Variants in RABGAP1L observed in about 807,000 individuals in gnomAD.
RABGAP1L encodes the protein rab GTPase-activating protein 1-like.
In RABGAP1L, 63 loss-of-function variants were observed where a neutral mutation model predicts 137.7. That is an observed-to-expected ratio of 0.46 (90% CI 0.37 to 0.56). The LOEUF (loss-of-function observed/expected upper bound fraction) is 0.56. RABGAP1L is among the 20% of genes least tolerant of loss of function. RABGAP1L has a pLI of 0.00. For synonymous variants in RABGAP1L, 431 were observed against 433.7 expected, an observed-to-expected ratio of 0.99 and a Z score of 0.08; for missense variants, 1,095 against 1,244.0, an observed-to-expected ratio of 0.88 and a Z score of 1.80.
chr1:174,595,508 G>T (rs1157485145), intron 13 of RABGAP1L, among the ~76,000 whole-genome samples: 5 of 72,728 alleles, frequency 6.9e-5, no homozygotes, highest in African/African-American at 3.3e-4. Flanking sequence ...GGTCTTTGAT[G>T]ATGGTGATGT....
chr1:174,614,621 G>A (rs1406520515), intron 13 of RABGAP1L, among the ~76,000 whole-genome samples: 4 of 152,074 alleles, frequency 2.6e-5, no homozygotes, highest in African/African-American at 7.2e-5. Context: ...CTGAATGTTG[G>A]CCTGCCTTGC....
At chr1:174,808,083 A>T (rs912041928) in intron 18 of RABGAP1L, among the ~76,000 whole-genome samples, 3 of 149,430 alleles carry the variant, frequency 2.0e-5, no homozygotes, top group Non-Finnish European at 4.4e-5. Context: ...TCCTGGGTTC[A>T]TGCCATTCTC....
intron 12 of RABGAP1L, among the ~76,000 whole-genome samples, chr1:174,391,072 GGA>G (rs1687176178): frequency 6.6e-6 from 1 of 152,142 alleles, no homozygotes; most frequent in African/African-American, 2.4e-5. Context: ...TGAAGCCAAG[GGA>G]AACAGATTGG....
chr1:174,316,681 T>C (rs1422924992), intron 11 of RABGAP1L, among the ~76,000 whole-genome samples: 1 of 152,226 alleles, frequency 6.6e-6, no homozygotes, highest in African/African-American at 2.4e-5. Context: ...ACTCAGGCTC[T>C]GGAGCTGTAC....
intron 11 of RABGAP1L, among the ~76,000 whole-genome samples, chr1:174,312,730 T>C (rs1176783142): frequency 6.6e-6 from 1 of 152,178 alleles, no homozygotes; most frequent in Admixed American, 6.5e-5. Context: ...TTTTATAGTT[T>C]GAGGTCTTAT....
chr1:174,801,756 G>A (rs114584616), intron 18 of RABGAP1L, among the ~76,000 whole-genome samples: 1,665 of 148,388 alleles, frequency 0.011, 17 homozygotes, highest in Middle Eastern at 0.035. Flanking sequence ...AAGGATTCAT[G>A]ATTCTATTTA....
intron 13 of RABGAP1L, among the ~76,000 whole-genome samples, chr1:174,589,641 C>G (rs1020690983): frequency 6.6e-6 from 1 of 152,000 alleles, no homozygotes; most frequent in African/African-American, 2.4e-5. Context: ...TTATATATGT[C>G]GAGAGAAAGG....
At chr1:174,517,657 T>C (rs1022030666) in intron 13 of RABGAP1L, among the ~76,000 whole-genome samples, 1 of 152,232 alleles carries the variant, frequency 6.6e-6, no homozygotes, top group African/African-American at 2.4e-5. Flanking sequence ...TATTTGATTA[T>C]AGTAGACTCT....
intron 13 of RABGAP1L, among the ~76,000 whole-genome samples, chr1:174,399,408 C>T (rs1351867129): frequency 6.6e-6 from 1 of 152,082 alleles, no homozygotes. Flanking sequence ...AGCAGCTGTT[C>T]GTCCTTTCTT....
At chr1:174,983,526 G>A in intron 24 of RABGAP1L, among the ~76,000 whole-genome samples, 1 of 152,118 alleles carries the variant, frequency 6.6e-6, no homozygotes, top group East Asian at 1.9e-4. Context: ...TATTGTCATA[G>A]TCAACTTTTG....
chr1:174,349,502 A>G (rs1571340188), intron 11 of RABGAP1L, among the ~76,000 whole-genome samples: 2 of 104,832 alleles, frequency 1.9e-5, no homozygotes, highest in Non-Finnish European at 3.9e-5. Context: ...GGCCGGGCAG[A>G]GGGGCTCCTC....
chr1:174,877,362 A>T, intron 19 of RABGAP1L: 4 of 1,266,134 alleles, frequency 3.2e-6, no homozygotes, highest in East Asian at 3.2e-5. Context: ...TTCTTTCTGG[A>T]TTTTTGACAC....
rs1418849125 is a variant in RABGAP1L, at chr1:174,448,116, A to G, written c.1710+53971A>G. ...GTGTCTTTAAATTTCCAAGCCATGA[A>G]TGAATCCAGGTGGACTGAATGGAGG... On this transcript the variant is annotated intron_variant, in intron 13 of 25. Coordinates refer to ENST00000681986, the MANE Select transcript of RABGAP1L (RefSeq NM_001366446.1). This position sits in a 1 kb window ranked among gnomAD's most constrained non-coding sequence, Gnocchi z 4.2. 1.2e-6 allele frequency: 2 copies of G among 1,608,310 alleles called. No individual in the cohort carries two copies. Among genetic ancestry groups the G allele is most frequent in the African/African-American group, 1.3e-5 (1 of 74,748 alleles).
chr1:174,558,217 T>C (rs1667001754), intron 13 of RABGAP1L, among the ~76,000 whole-genome samples: 1 of 152,204 alleles, frequency 6.6e-6, no homozygotes, highest in Non-Finnish European at 1.5e-5. Flanking sequence ...TTTCCCACAG[T>C]TCAGTTGTAT....
At chr1:174,181,070 A>G (rs1666313473) in intron 1 of RABGAP1L, among the ~76,000 whole-genome samples, 2 of 152,106 alleles carry the variant, frequency 1.3e-5, no homozygotes, top group African/African-American at 4.8e-5. Context: ...TGAGATGTAA[A>G]CTCTTTTCTA....
Position 174,366,668 on chromosome 1 carries a change from C to T in RABGAP1L, c.1466-4311C>T, listed in dbSNP as rs568033459. Among the ~76,000 whole-genome samples the T allele has an allele frequency of 9.4e-5, 14 of 149,642 alleles. No individual in the cohort carries two copies. In the East Asian group the frequency reaches 1.0e-3, roughly 11 times the overall value. On this transcript the variant is annotated intron_variant, in intron 11 of 25. Transcript: ENST00000681986. ...CGGGCCCCTGTAGTCCCAGCTACTT[C>T]GGAGGCTGAGACAGGAGAATCACTT...
intron 1 of RABGAP1L, among the ~76,000 whole-genome samples, chr1:174,184,628 A>G (rs557138341): frequency 1.6e-4 from 24 of 152,344 alleles, no homozygotes; most frequent in East Asian, 5.8e-4. Context: ...AGCTCAGGAA[A>G]GTAACCTCCA....
rs912194489 is a variant in RABGAP1L, at chr1:174,390,126, T to A, written c.1560-3869T>A. ...CTAGCTTAATATTTATTAGTACTTC[T>A]CAAGTGATAGGGTGCTGTATGCAGT... is the stretch of plus-strand genomic sequence containing the variant. On this transcript the variant is annotated intron_variant, in intron 12 of 25. Transcript: ENST00000681986. Among the ~76,000 whole-genome samples the A allele has an allele frequency of 2.0e-5, 3 of 152,186 alleles. No individual in the cohort carries two copies. The East Asian group carries it at 5.8e-4, about 29-fold the overall frequency.
intron 16 of RABGAP1L, chr1:174,700,511 G>C (rs993767158): frequency 1.3e-5 from 2 of 152,536 alleles, no homozygotes; most frequent in Non-Finnish European, 2.9e-5. Flanking sequence ...CAGGGGATCC[G>C]TAGGTGTCTA....
Sources: allele counts gnomAD v4.1 joint callset (sites outside exome capture counted in the v4.1 genomes callset), GRCh38; gene constraint gnomAD v4.1.1; non-coding constraint Gnocchi (gnomAD v3.1); transcripts MANE v1.5; gene names NCBI Gene and HGNC (gene_info 2026-07-23, HGNC 2026-07-21).